Variants in PIK3C2G observed in about 807,000 individuals in gnomAD.
PIK3C2G encodes phosphatidylinositol-4-phosphate 3-kinase catalytic subunit type 2 gamma, also known as phosphatidylinositol 3-kinase C2 domain-containing subunit gamma.
PIK3C2G carries 168 observed loss-of-function variants against 181.1 expected under a neutral mutation model. That is an observed-to-expected ratio of 0.93 (90% CI 0.82 to 1.05). The LOEUF (loss-of-function observed/expected upper bound fraction) is 1.05. Among genes scored for constraint, PIK3C2G ranks in the 50% least tolerant of loss-of-function variants. PIK3C2G has a pLI of 0.00. For missense variants in PIK3C2G, 1,869 were observed against 1,732.8 expected, an observed-to-expected ratio of 1.08 and a Z score of -1.40; for synonymous variants, 573 against 592.2, an observed-to-expected ratio of 0.97 and a Z score of 0.47.
chr12:18,445,265 A>C lies in PIK3C2G; in HGVS notation c.2504+21226A>C, dbSNP rs147534241. Among the ~76,000 whole-genome samples, 1,159 of 152,258 alleles carry C rather than the reference A, an allele frequency of 7.6e-3. 14 individuals carry two copies. Among genetic ancestry groups the C allele is most frequent in the African/African-American group, 0.027 (1,103 of 41,564 alleles). Reference sequence around the variant, plus strand: ...GAATTAATTTCTTTAATTAACACAGAACCCCTACAAACCCATAAAAGTGGT... The same window carrying C: ...GAATTAATTTCTTTAATTAACACAGCACCCCTACAAACCCATAAAAGTGGT... On this transcript the variant is annotated intron_variant, in intron 18 of 32. Transcript: ENST00000538779.
At chr12:18,518,358 T>C (rs1376370659) in intron 24 of PIK3C2G, among the ~76,000 whole-genome samples, 1 of 152,210 alleles carries the variant, frequency 6.6e-6, no homozygotes, top group African/African-American at 2.4e-5. Flanking sequence ...TGAATCTGTC[T>C]GGTCCTGGAC....
chr12:18,694,307 G>A, the PIK3C2G span, among the ~76,000 whole-genome samples: 3 of 152,060 alleles, frequency 2.0e-5, no homozygotes, highest in South Asian at 2.1e-4. Flanking sequence ...AATAAAGCGC[G>A]CTCTTTCACA....
At chr12:18,363,634 A>G (rs1397974236) in intron 12 of PIK3C2G, among the ~76,000 whole-genome samples, 1 of 151,944 alleles carries the variant, frequency 6.6e-6, no homozygotes, top group Non-Finnish European at 1.5e-5. Context: ...CACCTCAAGC[A>G]GAAGAAAATT....
chr12:18,373,848 G>A (rs902724726), intron 13 of PIK3C2G, among the ~76,000 whole-genome samples: 5 of 150,480 alleles, frequency 3.3e-5, no homozygotes, highest in East Asian at 2.0e-4. Context: ...GCGAGACTCC[G>A]TCTAAAAAAA....
intron 1 of PIK3C2G, among the ~76,000 whole-genome samples, chr12:18,280,508 A>T (rs1005833359): frequency 6.6e-6 from 1 of 152,038 alleles, no homozygotes; most frequent in Non-Finnish European, 1.5e-5. Flanking sequence ...AATGTCAGTT[A>T]TCAAAAATCA....
chr12:18,657,976 T>A, the PIK3C2G span, among the ~76,000 whole-genome samples: 1 of 151,830 alleles, frequency 6.6e-6, no homozygotes, highest in Non-Finnish European at 1.5e-5. Context: ...TCACTTCAAA[T>A]AGAAAACTTC....
intron 18 of PIK3C2G, among the ~76,000 whole-genome samples, chr12:18,466,753 C>T (rs1159895459): frequency 6.6e-6 from 1 of 151,924 alleles, no homozygotes; most frequent in Non-Finnish European, 1.5e-5. Flanking sequence ...AACCACTTTA[C>T]TTTAGCACAA....
chr12:18,388,080 AAC>A (rs1345943000), intron 14 of PIK3C2G, among the ~76,000 whole-genome samples: 2 of 152,136 alleles, frequency 1.3e-5, no homozygotes, highest in East Asian at 3.9e-4. Context: ...AAGTTTTTAG[AAC>A]ACATTGTATT....
intron 10 of PIK3C2G, among the ~76,000 whole-genome samples, chr12:18,345,166 A>G (rs1186390252): frequency 6.6e-6 from 1 of 152,168 alleles, no homozygotes; most frequent in East Asian, 1.9e-4. Context: ...AGATAAAGAA[A>G]CAAGATGTTT....
chr12:18,393,316 C>A (rs2138067474), intron 15 of PIK3C2G, among the ~76,000 whole-genome samples: 1 of 152,138 alleles, frequency 6.6e-6, no homozygotes, highest in Middle Eastern at 3.4e-3. Flanking sequence ...CAGTTTTATT[C>A]TGGACTGTGA....
intron 1 of PIK3C2G, among the ~76,000 whole-genome samples, chr12:18,272,413 T>C (rs1018644508): frequency 2.6e-5 from 4 of 152,192 alleles, no homozygotes; most frequent in African/African-American, 9.6e-5. Context: ...ACCTGGCTGC[T>C]TCTCTTCTTG....
chr12:18,726,375 A>G, the PIK3C2G span, among the ~76,000 whole-genome samples: 1 of 152,320 alleles, frequency 6.6e-6, no homozygotes. Context: ...CATTACAAAA[A>G]GCACTTTCCC....
the PIK3C2G span, among the ~76,000 whole-genome samples, chr12:18,658,512 C>T: frequency 0.013 from 2,039 of 151,908 alleles, 59 homozygotes; most frequent in African/African-American, 0.047. Flanking sequence ...ACCATGGAGG[C>T]CAGACATATG....
At chr12:18,715,972 T>C in the PIK3C2G span, among the ~76,000 whole-genome samples, 18 of 152,326 alleles carry the variant, frequency 1.2e-4, no homozygotes, top group Non-Finnish European at 1.8e-4. Flanking sequence ...CCGTGGATAC[T>C]CTCTGGGCAA....
At chr12:18,414,028 C>G (rs1169336568) in intron 16 of PIK3C2G, among the ~76,000 whole-genome samples, 1 of 152,090 alleles carries the variant, frequency 6.6e-6, no homozygotes. Context: ...ACATATTTGT[C>G]CATCGATCTA....
At chr12:18,720,532 G>A in the PIK3C2G span, among the ~76,000 whole-genome samples, 1,198 of 151,552 alleles carry the variant, frequency 7.9e-3, 19 homozygotes, top group African/African-American at 0.028. Context: ...CTTGTTATAT[G>A]ATCTTGAGCA....
At chr12:18,346,192 G>A (rs1939654519) in intron 10 of PIK3C2G, among the ~76,000 whole-genome samples, 1 of 152,036 alleles carries the variant, frequency 6.6e-6, no homozygotes, top group Non-Finnish European at 1.5e-5. Flanking sequence ...TATATGATTA[G>A]TGTTCAGTTA....
At chr12:18,422,569 C>T (rs1592220511) in intron 17 of PIK3C2G, among the ~76,000 whole-genome samples, 1 of 152,004 alleles carries the variant, frequency 6.6e-6, no homozygotes, top group South Asian at 2.1e-4. Context: ...AAGACCCAGA[C>T]CCAGGGGTTA....
chr12:18,527,195 A>G (rs78432015), intron 24 of PIK3C2G, among the ~76,000 whole-genome samples: 13,940 of 152,172 alleles, frequency 0.092, 840 homozygotes, highest in Non-Finnish European at 0.14. Flanking sequence ...CTAAGGTACA[A>G]TGTGCTTGCC....
Sources: gnomAD v4.1 joint callset for allele counts (sites outside exome capture counted in the v4.1 genomes callset) on GRCh38, gnomAD v4.1.1 for gene constraint, MANE v1.5 for transcripts, NCBI Gene and HGNC (gene_info 2026-07-23, HGNC 2026-07-21) for gene names.